Variants in LRP1B observed in about 807,000 individuals in gnomAD.
LRP1B encodes the protein LDL receptor related protein 1B.
Under a neutral mutation model 556.6 loss-of-function variants are expected in LRP1B, and 217 were observed. The observed-to-expected ratio is 0.39, with a 90% CI of 0.35 to 0.44. LRP1B has a LOEUF of 0.44. Among genes scored for constraint, LRP1B ranks in the 20% least tolerant of loss-of-function variants. The pLI, the probability that LRP1B is intolerant of heterozygous loss-of-function variation, is 1.00. For synonymous variants in LRP1B, 2,047 were observed against 1,865.8 expected, an observed-to-expected ratio of 1.10 and a Z score of -2.50; for missense variants, 5,053 against 5,620.8, an observed-to-expected ratio of 0.90 and a Z score of 3.23.
intron 43 of LRP1B, among the ~76,000 whole-genome samples, chr2:140,586,157 A>G (rs2105151280): frequency 6.6e-6 from 1 of 152,290 alleles, no homozygotes; most frequent in Middle Eastern, 3.4e-3. Flanking sequence ...AACTCTAGAA[A>G]TTATACATAA....
chr2:141,377,350 T>A (rs1379136935), intron 3 of LRP1B, among the ~76,000 whole-genome samples: 2 of 152,200 alleles, frequency 1.3e-5, no homozygotes, highest in African/African-American at 2.4e-5. Context: ...TAACTTCCAA[T>A]GAATTGTGTT....
At position 140,260,675 on chromosome 2, in the gene LRP1B, A is replaced by G. The variant is rs374017484; in HGVS notation, c.13247+9567T>C. On this transcript the variant is annotated intron_variant, in intron 86 of 90. Coordinates refer to ENST00000389484, the MANE Select transcript of LRP1B (RefSeq NM_018557.3). ...GGGATGAAAATCCCTTTCCCTATAT[A>G]GCCAGATGGCCCATTCCCACATTTA... 1.2e-3 allele frequency among the ~76,000 whole-genome samples: 188 copies of G among 151,846 alleles called. 1 individual carries two copies. The highest frequency in any genetic ancestry group is 6.8e-3 in the Middle Eastern group (2 of 294).
At chr2:140,637,176 C>G (rs771551844) in intron 41 of LRP1B, among the ~76,000 whole-genome samples, 6 of 152,096 alleles carry the variant, frequency 3.9e-5, no homozygotes, top group Non-Finnish European at 7.4e-5. Context: ...CAGGAAATCA[C>G]TTTTGGATCA....
At chr2:140,677,600 C>G (rs1685715401) in intron 41 of LRP1B, among the ~76,000 whole-genome samples, 1 of 152,046 alleles carries the variant, frequency 6.6e-6, no homozygotes, top group Admixed American at 6.6e-5. Flanking sequence ...AGGCCAGTGA[C>G]AGTAGCTCAC....
Position 140,900,503 on chromosome 2 carries a change from G to A in LRP1B, c.3766+2417C>T, listed in dbSNP as rs139649795. On this transcript the variant is annotated intron_variant, in intron 23 of 90. Coordinates refer to ENST00000389484, the MANE Select transcript of LRP1B (RefSeq NM_018557.3). ...AATGTCTGCTAAACTTATGCTCTGG[G>A]ACTCAAATTTTAATGGTCAGAAGAA... Among the ~76,000 whole-genome samples the A allele has an allele frequency of 4.8e-3, 738 of 152,166 alleles. 5 individuals carry two copies. The highest frequency in any genetic ancestry group is 0.017 in the Middle Eastern group (5 of 294).
intron 66 of LRP1B, among the ~76,000 whole-genome samples, chr2:140,441,531 T>C (rs1686425910): frequency 6.6e-6 from 1 of 152,174 alleles, no homozygotes; most frequent in Non-Finnish European, 1.5e-5. Context: ...CTTAAAGACA[T>C]GTTATTATTG....
chr2:141,434,521 T>G (rs1559068707), intron 3 of LRP1B, among the ~76,000 whole-genome samples: 1 of 152,152 alleles, frequency 6.6e-6, no homozygotes, highest in Non-Finnish European at 1.5e-5. Context: ...AAAGATTGTT[T>G]CCTTTAAGTC....
intron 35 of LRP1B, among the ~76,000 whole-genome samples, chr2:140,749,940 A>G (rs1688512446): frequency 6.6e-6 from 1 of 152,174 alleles, no homozygotes; most frequent in South Asian, 2.1e-4. Flanking sequence ...GCGCTATGAC[A>G]TTATGATGGC....
chr2:140,809,956 C>A (rs573293379), intron 32 of LRP1B, among the ~76,000 whole-genome samples: 2 of 152,126 alleles, frequency 1.3e-5, no homozygotes, highest in Admixed American at 1.3e-4. Flanking sequence ...TCATCACTTC[C>A]GCCTTATACT....
At chr2:140,375,351 A>G (rs891458080) in intron 68 of LRP1B, among the ~76,000 whole-genome samples, 1 of 151,944 alleles carries the variant, frequency 6.6e-6, no homozygotes, top group East Asian at 1.9e-4. Context: ...TTGTCAATTT[A>G]TTTTCTCACA....
chr2:140,775,236 G>C lies in LRP1B; in HGVS notation c.5500+862C>G, dbSNP rs145074201. Among the ~76,000 whole-genome samples the C allele has an allele frequency of 2.3e-3, 352 of 151,992 alleles. 1 individual carries two copies. The highest frequency in any genetic ancestry group is 8.0e-3 in the African/African-American group (331 of 41,464). On this transcript the variant is annotated intron_variant, in intron 33 of 90. Coordinates refer to ENST00000389484, the MANE Select transcript of LRP1B (RefSeq NM_018557.3). ...TCAATTGGTATGTTCAATAAATGCT[G>C]CTTGCTTGATGGTCATTACCTATCT...
intron 1 of LRP1B, among the ~76,000 whole-genome samples, chr2:141,895,529 T>G (rs1414915370): frequency 6.6e-6 from 1 of 152,234 alleles, no homozygotes; most frequent in Non-Finnish European, 1.5e-5. Flanking sequence ...AATGTGTTCC[T>G]GAATAGCAGA....
At chr2:141,391,279 C>T (rs775522323) in intron 3 of LRP1B, among the ~76,000 whole-genome samples, 17 of 151,972 alleles carry the variant, frequency 1.1e-4, no homozygotes, top group South Asian at 4.2e-4. Context: ...TACTTATAGC[C>T]GGTGTTGAAT....
At position 140,495,546 on chromosome 2, in the gene LRP1B, G is replaced by A. The variant is rs944168754; in HGVS notation, c.9034+19C>T. Reference sequence around the variant, plus strand: ...ATGTATAACTGAGGTTGGATCAGTGGGCAAGTTCAATTCGATACCTGAGAG... The same window carrying A: ...ATGTATAACTGAGGTTGGATCAGTGAGCAAGTTCAATTCGATACCTGAGAG... On this transcript the variant is annotated intron_variant, in intron 56 of 90. Transcript: ENST00000389484. 2.1e-5 allele frequency: 32 copies of A among 1,555,310 alleles called. No individual in the cohort carries two copies. Among genetic ancestry groups the A allele is most frequent in the Non-Finnish European group, 2.8e-5 (32 of 1,136,660 alleles).
intron 2 of LRP1B, among the ~76,000 whole-genome samples, chr2:141,584,926 G>A (rs772375168): frequency 6.6e-6 from 1 of 152,036 alleles, no homozygotes; most frequent in Non-Finnish European, 1.5e-5. Flanking sequence ...TTGTTCAATG[G>A]GTACAGAGTT....
chr2:141,508,838 C>T (rs1684022226), intron 2 of LRP1B, among the ~76,000 whole-genome samples: 1 of 152,078 alleles, frequency 6.6e-6, no homozygotes, highest in African/African-American at 2.4e-5. Context: ...TCACTTCCCC[C>T]TTAAATTGTA....
intron 23 of LRP1B, among the ~76,000 whole-genome samples, chr2:140,889,217 C>T (rs977561177): frequency 6.6e-6 from 1 of 152,062 alleles, no homozygotes; most frequent in African/African-American, 2.4e-5. Context: ...AAGACCACAC[C>T]CATTTTATGG....
At chr2:141,183,038 A>G (rs1681073042) in intron 7 of LRP1B, among the ~76,000 whole-genome samples, 1 of 151,976 alleles carries the variant, frequency 6.6e-6, no homozygotes, top group Non-Finnish European at 1.5e-5. Flanking sequence ...CAAACCCCCT[A>G]CAGCTTTAGA....
At chr2:141,696,557 GAAC>G (rs982235091) in intron 2 of LRP1B, among the ~76,000 whole-genome samples, 138 of 151,984 alleles carry the variant, frequency 9.1e-4, no homozygotes, top group African/African-American at 3.2e-3. Context: ...TGAAGACTTA[GAAC>G]AACTCTGAAT....
Sources: gnomAD v4.1 joint callset for allele counts (sites outside exome capture counted in the v4.1 genomes callset) on GRCh38, gnomAD v4.1.1 for gene constraint, MANE v1.5 for transcripts, NCBI Gene and HGNC (gene_info 2026-07-23, HGNC 2026-07-21) for gene names.